ZFPM2: variants seen among roughly 807,000 people sequenced by gnomAD.
ZFPM2 encodes the protein zinc finger protein ZFPM2.
In ZFPM2, 20 loss-of-function variants were observed where a neutral mutation model predicts 98.6. The ratio of observed to expected loss-of-function variants is 0.20; its 90% confidence interval spans 0.14 to 0.29. The LOEUF is 0.29. Ranked by LOEUF, ZFPM2 falls within the 10% of genes least tolerant of loss-of-function variation. The probability of loss-of-function intolerance (pLI) is 1.00; values close to 1 mark genes in which losing one functional copy is unlikely to be tolerated. For synonymous variants in ZFPM2, 518 were observed against 502.7 expected (o/e 1.03, Z -0.41); for missense variants, 1,310 against 1,388.6 (o/e 0.94, Z 0.90).
At position 105,422,330 on chromosome 8, in the gene ZFPM2, G is replaced by A. The variant is rs182234570; in HGVS notation, c.199+3028G>A. Among the ~76,000 whole-genome samples, 458 of 152,042 alleles carry A rather than the reference G, an allele frequency of 3.0e-3. 2 individuals are homozygous for A. Among genetic ancestry groups the A allele is most frequent in the Non-Finnish European group, 5.3e-3 (357 of 67,982 alleles). On this transcript the variant is annotated intron_variant, in intron 2 of 7. Coordinates refer to ENST00000407775, the MANE Select transcript of ZFPM2 (RefSeq NM_012082.4). ...TGGGTGCCTGTAGTCCCAGCTACTC[G>A]GGAGGCTGAGGCAGACAGAATTGCT...
Position 105,802,987 on chromosome 8 carries a change from C to A in ZFPM2, c.2905C>A (p.Pro969Thr), listed in dbSNP as rs774887889. The A allele has an allele frequency of 2.5e-6, 4 of 1,612,834 alleles. No individual in the cohort carries two copies. The Admixed American group carries it at 5.0e-5, about 20-fold the overall frequency. Residue 969 changes from proline (P) to threonine (T), a missense_variant, in exon 8 of 8, where the codon CCT (proline) becomes ACT (threonine). Physicochemically the swap from Pro to Thr is conservative, Grantham distance 38. Coordinates refer to ENST00000407775, the MANE Select transcript of ZFPM2 (RefSeq NM_012082.4). ...RHLFLPQCLYPGAIKKAKGAD... is the reference protein window; with the variant it reads ...RHLFLPQCLYTGAIKKAKGAD... Reference sequence around the variant, plus strand: ...TTTGTTTCTTCCACAATGCCTTTACCCTGGAGCAATAAAGAAAGCAAAAGG... The same window carrying A: ...TTTGTTTCTTCCACAATGCCTTTACACTGGAGCAATAAAGAAAGCAAAAGG...
At chr8:105,344,400 T>A (rs949248430) in intron 1 of ZFPM2, among the ~76,000 whole-genome samples, 7 of 152,194 alleles carry the variant, frequency 4.6e-5, no homozygotes, top group Non-Finnish European at 8.8e-5. Flanking sequence ...TTAGCTGCAA[T>A]TTTTTAGGAC....
At chr8:105,341,782 G>A (rs1400992162) in intron 1 of ZFPM2, among the ~76,000 whole-genome samples, 1 of 151,928 alleles carries the variant, frequency 6.6e-6, no homozygotes, top group African/African-American at 2.4e-5. Flanking sequence ...AATATCCTTG[G>A]ATATATGTGA....
At chr8:105,696,084 C>T (rs1435889818) in intron 5 of ZFPM2, among the ~76,000 whole-genome samples, 2 of 152,156 alleles carry the variant, frequency 1.3e-5, no homozygotes, top group Non-Finnish European at 2.9e-5. Flanking sequence ...AGCATCCCTG[C>T]TGTGAACATA....
At chr8:105,533,975 CCCTCCCTCCTTCCCTCCCTCTCT>C (rs1443804319) in intron 3 of ZFPM2, among the ~76,000 whole-genome samples, 32 of 34,966 alleles carry the variant, frequency 9.2e-4, no homozygotes, top group East Asian at 1.7e-3. Context: ...TCCCTCTCCT[CCCTCCCTCCTTCCCTCCCTCTCT>C]CCTTCCTTCC....
chr8:105,487,908 A>G (rs940504560), intron 3 of ZFPM2, among the ~76,000 whole-genome samples: 3 of 79,430 alleles, frequency 3.8e-5, no homozygotes, highest in Non-Finnish European at 9.1e-5. Context: ...CTATCTATCT[A>G]TCTATCTATC....
chr8:105,794,900 A>C (rs1002878114), intron 6 of ZFPM2, among the ~76,000 whole-genome samples: 1 of 152,082 alleles, frequency 6.6e-6, no homozygotes, highest in Non-Finnish European at 1.5e-5. Flanking sequence ...GCAGGATATA[A>C]TCTCCTGGTG....
In ZFPM2 at chr8:105,389,768, C is replaced by T. The variant is rs369897597; in HGVS notation, c.41-29376C>T. ...CAAGAAAGCTTGAGACAAGGTAAGA[C>T]GTGATCATAGCTATGTCTGAGAAGA... On this transcript the variant is annotated intron_variant, in intron 1 of 7. Coordinates refer to ENST00000407775, the MANE Select transcript of ZFPM2 (RefSeq NM_012082.4). Among the ~76,000 whole-genome samples, 8 of 152,040 alleles carry T rather than the reference C, an allele frequency of 5.3e-5. No homozygotes were observed. In the East Asian group the frequency reaches 9.6e-4, roughly 18 times the overall value.
At chr8:105,534,267 CTT>C (rs1347749876) in intron 3 of ZFPM2, among the ~76,000 whole-genome samples, 2 of 51,506 alleles carry the variant, frequency 3.9e-5, no homozygotes, top group African/African-American at 2.2e-4. Flanking sequence ...TCCTCCTTTC[CTT>C]CCTTCTTTCC....
chr8:105,671,090 C>T (rs1277021071), intron 5 of ZFPM2, among the ~76,000 whole-genome samples: 3 of 151,958 alleles, frequency 2.0e-5, no homozygotes, highest in Non-Finnish European at 2.9e-5. Context: ...CATATGTATT[C>T]ATCTCTTTAA....
At chr8:105,481,923 C>A (rs1384368833) in intron 3 of ZFPM2, among the ~76,000 whole-genome samples, 2 of 152,144 alleles carry the variant, frequency 1.3e-5, no homozygotes, top group African/African-American at 2.4e-5. Context: ...TAAGAAAAAT[C>A]CCAATTTGAA....
intron 5 of ZFPM2, among the ~76,000 whole-genome samples, chr8:105,702,930 G>A (rs952738699): frequency 3.9e-5 from 6 of 152,128 alleles, no homozygotes; most frequent in East Asian, 1.9e-4. Flanking sequence ...AGAAAACTTC[G>A]CATAGTGTAA....
chr8:105,459,517 C>T lies in ZFPM2; in HGVS notation c.301+15136C>T, dbSNP rs1166490762. Among the ~76,000 whole-genome samples the T allele has an allele frequency of 1.7e-4, 26 of 152,254 alleles. No individual in the cohort carries two copies. In the South Asian group the frequency reaches 4.4e-3, roughly 26 times the overall value. On this transcript the variant is annotated intron_variant, in intron 3 of 7. Transcript: ENST00000407775. ...TGCTCAGGCTCCCATAATGTAATAC[C>T]ACAGACTGGGTGGATTAAACAACAA...
At chr8:105,356,424 C>G (rs1299234993) in intron 1 of ZFPM2, among the ~76,000 whole-genome samples, 1 of 152,212 alleles carries the variant, frequency 6.6e-6, no homozygotes, top group Non-Finnish European at 1.5e-5. Context: ...AAGTTATACA[C>G]AGCTCTATTT....
chr8:105,419,036 G>C, intron 1 of ZFPM2, 108 bp from the exon 2 acceptor site: 1 of 947,684 alleles, frequency 1.1e-6, no homozygotes, highest in Non-Finnish European at 1.6e-6. Flanking sequence ...ACTACTTAGA[G>C]TATATTATTT....
chr8:105,504,326 G>A (rs1813654228), intron 3 of ZFPM2, among the ~76,000 whole-genome samples: 1 of 152,184 alleles, frequency 6.6e-6, no homozygotes, highest in Non-Finnish European at 1.5e-5. Context: ...GAGGTTTTAA[G>A]ATAGACAAAT....
At chr8:105,608,602 T>G (rs1816244866) in intron 4 of ZFPM2, among the ~76,000 whole-genome samples, 3 of 150,550 alleles carry the variant, frequency 2.0e-5, no homozygotes. Context: ...TTTTTTTTTT[T>G]TAATCAGTGA....
At chr8:105,691,811 C>T (rs1426100657) in intron 5 of ZFPM2, among the ~76,000 whole-genome samples, 1 of 152,120 alleles carries the variant, frequency 6.6e-6, no homozygotes, top group Non-Finnish European at 1.5e-5. Flanking sequence ...CATGATAGGT[C>T]TAGAGTGATT....
intron 3 of ZFPM2, among the ~76,000 whole-genome samples, chr8:105,453,709 T>A (rs1203746382): frequency 6.6e-6 from 1 of 152,038 alleles, no homozygotes; most frequent in East Asian, 1.9e-4. Context: ...TGGCCCCATC[T>A]CAGCTCACTG....
Sources: allele counts gnomAD v4.1 joint callset (sites outside exome capture counted in the v4.1 genomes callset), GRCh38; gene constraint gnomAD v4.1.1; transcripts MANE v1.5; gene names NCBI Gene and HGNC (gene_info 2026-07-23, HGNC 2026-07-21).